Variants in DOCK3 observed in about 807,000 individuals in gnomAD.
DOCK3 encodes dedicator of cytokinesis protein 3.
Under a neutral mutation model 265.6 loss-of-function variants are expected in DOCK3, and 60 were observed. The observed-to-expected ratio is 0.23, with a 90% confidence interval of 0.18 to 0.28. The LOEUF (loss-of-function observed/expected upper bound fraction) is 0.28. Among genes scored for constraint, DOCK3 ranks in the 10% least tolerant of loss-of-function variants. The pLI is 1.00. For missense variants in DOCK3, 1,981 were observed against 2,594.3 expected, an observed-to-expected ratio of 0.76 and a Z score of 5.14; for synonymous variants, 881 against 938.0, an observed-to-expected ratio of 0.94 and a Z score of 1.11.
chr3:51,197,708 A>G (rs1244629109), intron 12 of DOCK3, among the ~76,000 whole-genome samples: 1 of 152,114 alleles, frequency 6.6e-6, no homozygotes, highest in Non-Finnish European at 1.5e-5. Context: ...GGCACTCCGC[A>G]GGCCCCAGGT....
At chr3:50,688,855 T>G (rs1481467685) in intron 1 of DOCK3, among the ~76,000 whole-genome samples, 2 of 152,154 alleles carry the variant, frequency 1.3e-5, no homozygotes, top group Non-Finnish European at 2.9e-5. Flanking sequence ...TCTTCCCCCC[T>G]TTTCAAAGAA....
At chr3:50,868,935 T>C (rs1165115201) in intron 3 of DOCK3, among the ~76,000 whole-genome samples, 2 of 123,450 alleles carry the variant, frequency 1.6e-5, no homozygotes, top group East Asian at 5.3e-4. Flanking sequence ...TTGGTCTGAC[T>C]AAAAGTTTGT....
intron 3 of DOCK3, among the ~76,000 whole-genome samples, chr3:50,863,930 A>C (rs1009322431): frequency 5.3e-5 from 8 of 152,178 alleles, no homozygotes; most frequent in Admixed American, 3.9e-4. Flanking sequence ...GTAGGTGTGC[A>C]GCTCTATCGT....
At chr3:50,705,383 G>A (rs2107854778) in intron 1 of DOCK3, among the ~76,000 whole-genome samples, 1 of 152,110 alleles carries the variant, frequency 6.6e-6, no homozygotes, top group South Asian at 2.1e-4. Context: ...TTGATAGTGA[G>A]TGAATTCTTA....
chr3:51,357,923 C>T (rs771052302), intron 45 of DOCK3, 38 bp from the exon 46 acceptor site: 42 of 1,613,358 alleles, frequency 2.6e-5, no homozygotes, highest in Non-Finnish European at 3.2e-5. Flanking sequence ...AGGGGCTACT[C>T]ATGGTTCACA....
intron 1 of DOCK3, among the ~76,000 whole-genome samples, chr3:50,752,658 A>G (rs1326985684): frequency 6.6e-6 from 1 of 151,718 alleles, no homozygotes; most frequent in Non-Finnish European, 1.5e-5. Context: ...CACACCTGTA[A>G]TCCCAACTAC....
intron 2 of DOCK3, among the ~76,000 whole-genome samples, chr3:50,791,534 A>G (rs564237269): frequency 6.6e-6 from 1 of 152,218 alleles, no homozygotes; most frequent in African/African-American, 2.4e-5. Context: ...TCGGCCTCCC[A>G]AAGTGCTGGA....
At chr3:50,851,760 A>G (rs1456912782) in intron 3 of DOCK3, among the ~76,000 whole-genome samples, 2 of 152,138 alleles carry the variant, frequency 1.3e-5, no homozygotes, top group East Asian at 1.9e-4. Flanking sequence ...TCAAGTACCT[A>G]TTGCTAATGT....
In DOCK3 at chr3:50,967,720, C is replaced by G. The variant is rs771889715; in HGVS notation, c.315+33643C>G. Among the ~76,000 whole-genome samples, 52 of 152,188 alleles carry G rather than the reference C, an allele frequency of 3.4e-4. No homozygotes were observed. The East Asian group carries it at 4.8e-3, about 14-fold the overall frequency. On this transcript the variant is annotated intron_variant, in intron 5 of 52. Transcript: ENST00000266037. ...GAGTGCCCTGTGAAGGAGGGAGTCC[C>G]TTATAAAACCGTCAGATCTCTTGAG... is the stretch of plus-strand genomic sequence containing the variant.
intron 6 of DOCK3, among the ~76,000 whole-genome samples, chr3:51,070,496 A>G (rs764879708): frequency 6.6e-6 from 1 of 152,192 alleles, no homozygotes; most frequent in Non-Finnish European, 1.5e-5. Context: ...AATACTGTCT[A>G]CTTCCCAAAG....
At chr3:50,807,549 C>T (rs1321026464) in intron 2 of DOCK3, among the ~76,000 whole-genome samples, 1 of 152,080 alleles carries the variant, frequency 6.6e-6, no homozygotes, top group Non-Finnish European at 1.5e-5. Flanking sequence ...AACTACAGCA[C>T]CTGCTATCAC....
At chr3:51,293,066 A>G (rs528478329) in intron 27 of DOCK3, among the ~76,000 whole-genome samples, 8 of 152,300 alleles carry the variant, frequency 5.3e-5, no homozygotes, top group African/African-American at 1.7e-4. Context: ...CAATCTACAG[A>G]TTCAATGCAA....
chr3:51,320,546 C>G (rs1421862886), intron 32 of DOCK3, among the ~76,000 whole-genome samples: 1 of 152,162 alleles, frequency 6.6e-6, no homozygotes, highest in Non-Finnish European at 1.5e-5. Flanking sequence ...ATCCCACCCC[C>G]ACGGAGCCCA....
rs1187432954 is a variant in DOCK3 at position 51,214,123 on chromosome 3, T to C, written c.1128T>C (p.Gly376=). The C allele has an allele frequency of 1.2e-6, 2 of 1,613,724 alleles. No homozygotes were observed. Among genetic ancestry groups the C allele is most frequent in the Non-Finnish European group, 1.7e-6 (2 of 1,179,800 alleles). The change falls in exon 14 of 53, where the codon GGT becomes GGC. Residue 376 remains glycine (G), a splice_region_variant and synonymous_variant. Transcript: ENST00000266037. The part of the protein sequence containing the change: ...AKYSAPSASH[G]LIISLQLLRG... ...AAGAAAATGCTTTTGTTTTTGCAGG[T>C]CTTATCATTTCTCTGCAGCTTCTTC... is the stretch of plus-strand genomic sequence containing the variant.
At chr3:51,369,815 A>G (rs1009176920) in intron 49 of DOCK3, among the ~76,000 whole-genome samples, 2 of 152,210 alleles carry the variant, frequency 1.3e-5, no homozygotes, top group Non-Finnish European at 2.9e-5. Context: ...ACTTCACCTG[A>G]AGTATTCAGA....
chr3:51,018,949 T>C (rs1197779983), intron 5 of DOCK3, among the ~76,000 whole-genome samples: 1 of 151,908 alleles, frequency 6.6e-6, no homozygotes, highest in Non-Finnish European at 1.5e-5. Flanking sequence ...TCCTACACTG[T>C]AGCTTGTATT....
chr3:50,677,813 T>A (rs980416977), intron 1 of DOCK3, among the ~76,000 whole-genome samples: 2 of 152,220 alleles, frequency 1.3e-5, no homozygotes, highest in African/African-American at 4.8e-5. Flanking sequence ...AATATAGGAA[T>A]TCTGTACAGG....
rs545197657 is a variant in DOCK3 at position 50,728,994 on chromosome 3, G to T, written c.38-49681G>T. 6.8e-4 allele frequency among the ~76,000 whole-genome samples: 98 copies of T among 143,232 alleles called. 2 individuals are homozygous for T. In the South Asian group the frequency reaches 0.013, roughly 19 times the overall value. 94.0% of individuals were successfully genotyped at this position (143,232 alleles called of 152,430 possible). ...CCGCCTCGGCCTCCCAAAGTGCTGG[G>T]ATTACAGGTGTGAGCCACCGTGCCT... On this transcript the variant is annotated intron_variant, in intron 1 of 52. Transcript: ENST00000266037.
intron 4 of DOCK3, among the ~76,000 whole-genome samples, chr3:50,897,828 G>T: frequency 8.7e-6 from 1 of 114,316 alleles, no homozygotes; most frequent in East Asian, 2.4e-4. Flanking sequence ...GGATGAAGCC[G>T]ACTTGATCAT....
Sources: allele counts gnomAD v4.1 joint callset (sites outside exome capture counted in the v4.1 genomes callset), GRCh38; gene constraint gnomAD v4.1.1; transcripts MANE v1.5; gene names NCBI Gene and HGNC (gene_info 2026-07-23, HGNC 2026-07-21).